EHBP1: variants seen among roughly 807,000 people sequenced by gnomAD.
EHBP1 encodes EH domain binding protein 1.
In EHBP1, 55 loss-of-function variants were observed where a neutral mutation model predicts 144.0. The observed-to-expected ratio is 0.38, with a 90% CI of 0.31 to 0.48. The LOEUF is 0.48. EHBP1 is among the 20% of genes least tolerant of loss of function. The probability of loss-of-function intolerance (pLI) is 0.98; values close to 1 mark genes in which losing one functional copy is unlikely to be tolerated. For synonymous variants in EHBP1, 469 were observed against 472.7 expected, an observed-to-expected ratio of 0.99 and a Z score of 0.10; for missense variants, 1,200 against 1,364.2, an observed-to-expected ratio of 0.88 and a Z score of 1.90.
At chr2:62,753,785 C>T (rs1411096856) in intron 3 of EHBP1, among the ~76,000 whole-genome samples, 1 of 152,278 alleles carries the variant, frequency 6.6e-6, no homozygotes, top group Non-Finnish European at 1.5e-5. Flanking sequence ...TTGATTGAAT[C>T]GGCTACTGAA....
intron 19 of EHBP1, among the ~76,000 whole-genome samples, chr2:62,999,501 C>T (rs1377385887): frequency 6.6e-6 from 1 of 152,136 alleles, no homozygotes; most frequent in East Asian, 1.9e-4. Flanking sequence ...CCTTCTCCCC[C>T]AATCCCCTGG....
intron 10 of EHBP1, among the ~76,000 whole-genome samples, chr2:62,879,546 A>AACACACACACACACAC (rs70962798): frequency 2.5e-3 from 331 of 133,786 alleles, no homozygotes; most frequent in East Asian, 4.3e-3. Context: ...TATTCACAAT[A>AACACACACACACACAC]ACACACACAC....
At chr2:63,040,388 A>T (rs1356971919) in intron 21 of EHBP1, among the ~76,000 whole-genome samples, 1 of 152,134 alleles carries the variant, frequency 6.6e-6, no homozygotes, top group African/African-American at 2.4e-5. Context: ...ATAACCAAAT[A>T]ACTGTCTTAA....
intron 10 of EHBP1, among the ~76,000 whole-genome samples, chr2:62,887,552 A>G (rs537815408): frequency 1.7e-4 from 26 of 150,008 alleles, no homozygotes; most frequent in African/African-American, 6.4e-4. Flanking sequence ...AGCCTGGGCA[A>G]TATAGTGAGA....
At chr2:62,677,352 T>G (rs1201072285) in intron 1 of EHBP1, among the ~76,000 whole-genome samples, 1 of 152,206 alleles carries the variant, frequency 6.6e-6, no homozygotes, top group East Asian at 1.9e-4. Flanking sequence ...TTTTTTAATT[T>G]TAATTTTTAG....
chr2:62,747,356 T>A (rs2039255913), intron 2 of EHBP1, 39 bp from the exon 3 acceptor site: 1 of 1,580,944 alleles, frequency 6.3e-7, no homozygotes, highest in Non-Finnish European at 8.6e-7. Context: ...CTTTATTTAT[T>A]TAAGATAAAT....
At chr2:62,902,759 T>C (rs1408646836) in intron 10 of EHBP1, among the ~76,000 whole-genome samples, 1 of 152,186 alleles carries the variant, frequency 6.6e-6, no homozygotes, top group Non-Finnish European at 1.5e-5. Context: ...CATAGTTAAT[T>C]TCTGACTGGT....
intron 19 of EHBP1, among the ~76,000 whole-genome samples, chr2:63,010,385 C>A (rs924088880): frequency 6.6e-6 from 1 of 151,340 alleles, no homozygotes; most frequent in African/African-American, 2.4e-5. Flanking sequence ...AAAGAAAAAT[C>A]AATACCTAAA....
chr2:62,872,541 ATC>A (rs1287238676), intron 9 of EHBP1, among the ~76,000 whole-genome samples: 2 of 152,154 alleles, frequency 1.3e-5, no homozygotes, highest in South Asian at 2.1e-4. Flanking sequence ...ACACAATACT[ATC>A]TCTGTACAGC....
chr2:62,725,257 T>C (rs769939601), intron 2 of EHBP1, among the ~76,000 whole-genome samples: 2 of 152,248 alleles, frequency 1.3e-5, no homozygotes, highest in African/African-American at 4.8e-5. Context: ...GCTTGTGCCT[T>C]ATTTGCATGT....
chr2:62,757,423 T>C (rs578241461), intron 3 of EHBP1, among the ~76,000 whole-genome samples: 1 of 150,340 alleles, frequency 6.7e-6, no homozygotes, highest in African/African-American at 2.5e-5. Context: ...TTCTTTTTTT[T>C]TTCTTTTTTT....
At chr2:62,688,417 A>G (rs2033790441) in intron 1 of EHBP1, among the ~76,000 whole-genome samples, 1 of 152,190 alleles carries the variant, frequency 6.6e-6, no homozygotes, top group Non-Finnish European at 1.5e-5. Flanking sequence ...TATATGTATA[A>G]CATATAGTGA....
chr2:62,996,573 GTGTT>G, intron 18 of EHBP1, 66 bp from the exon 19 acceptor site: 1 of 1,597,730 alleles, frequency 6.3e-7, no homozygotes, highest in Non-Finnish European at 8.6e-7. Context: ...GCTTTACTAA[GTGTT>G]TGTAGAAAGG....
chr2:62,914,494 A>G (rs1278247030), intron 10 of EHBP1, among the ~76,000 whole-genome samples: 1 of 152,070 alleles, frequency 6.6e-6, no homozygotes, highest in African/African-American at 2.4e-5. Context: ...GACTTGTACT[A>G]TATTAGTTTA....
intron 1 of EHBP1, among the ~76,000 whole-genome samples, chr2:62,700,254 G>T (rs1400026834): frequency 1.3e-5 from 2 of 152,040 alleles, no homozygotes; most frequent in East Asian, 3.8e-4. Context: ...TATATAACAG[G>T]CATAAATCTC....
intron 10 of EHBP1, among the ~76,000 whole-genome samples, chr2:62,887,573 C>CAAA (rs1374767886): frequency 3.8e-5 from 2 of 53,140 alleles, no homozygotes. Context: ...TAGGTCTCCA[C>CAAA]AAAAAAAAAA....
At chr2:62,833,476 C>A (rs1267902180) in intron 7 of EHBP1, among the ~76,000 whole-genome samples, 1 of 152,180 alleles carries the variant, frequency 6.6e-6, no homozygotes, top group East Asian at 1.9e-4. Context: ...GGCTTCAGAG[C>A]CTCTAAGCTT....
chr2:62,964,619 T>A (rs539198155), intron 14 of EHBP1, among the ~76,000 whole-genome samples: 1 of 152,220 alleles, frequency 6.6e-6, no homozygotes, highest in Non-Finnish European at 1.5e-5. Flanking sequence ...TACTAATTCC[T>A]TTGCTTCACT....
At chr2:62,889,510 T>A (rs1462012110) in intron 10 of EHBP1, among the ~76,000 whole-genome samples, 2 of 152,188 alleles carry the variant, frequency 1.3e-5, no homozygotes, top group East Asian at 3.9e-4. Flanking sequence ...TAGGTTCTTT[T>A]CCAGGGCTTT....
Sources: allele counts gnomAD v4.1 joint callset (sites outside exome capture counted in the v4.1 genomes callset), GRCh38; gene constraint gnomAD v4.1.1; transcripts MANE v1.5; gene names NCBI Gene and HGNC (gene_info 2026-07-23, HGNC 2026-07-21).